The following HMGCS2 variants were observed in gnomAD, a reference collection of about 807,000 sequenced individuals.
The protein encoded by HMGCS2 is hydroxymethylglutaryl-CoA synthase, mitochondrial.
In HMGCS2, 50 loss-of-function variants were observed where a neutral mutation model predicts 57.4. The observed-to-expected ratio is 0.87, with a 90% CI of 0.69 to 1.10. The LOEUF (loss-of-function observed/expected upper bound fraction) is 1.10. HMGCS2 is among the 50% of genes least tolerant of loss of function. HMGCS2 has a pLI of 0.00. For synonymous variants in HMGCS2, 254 were observed against 245.1 expected (o/e 1.04, Z -0.34); for missense variants, 627 against 636.5 (o/e 0.99, Z 0.16).
rs1299933733 is a variant in HMGCS2 at position 119,748,397 on chromosome 1, T to G, written c.*450A>C. On this transcript the variant is annotated 3_prime_UTR_variant, in exon 10 of 10. Coordinates refer to ENST00000369406, the MANE Select transcript of HMGCS2 (RefSeq NM_005518.4). Reference sequence around the variant, plus strand: ...GGAATCATTTCCTCTTTCTCTCTTTTTAATTGCTATATATTAGCTTAGAAC... The same window carrying G: ...GGAATCATTTCCTCTTTCTCTCTTTGTAATTGCTATATATTAGCTTAGAAC... 6.6e-6 allele frequency: 1 copy of G among 152,232 alleles called. No homozygotes were observed. Among genetic ancestry groups the G allele is most frequent in the Admixed American group, 6.5e-5 (1 of 15,284 alleles). 9.4% of individuals were successfully genotyped at this position (152,232 alleles called of 1,614,324 possible).
In HMGCS2 at chr1:119,766,570, T is replaced by G. The variant is rs756758557; in HGVS notation, c.105-1944A>C. The stretch of plus-strand genomic sequence containing the variant: ...CTGACAGGAGAGGTTTGGAGTTTAT[T>G]TATCTTCCCTATTTATTTGACTCCC... On this transcript the variant is annotated intron_variant, in intron 1 of 9. Coordinates refer to ENST00000369406, the MANE Select transcript of HMGCS2 (RefSeq NM_005518.4). Among the ~76,000 whole-genome samples, 3 of 152,318 alleles carry G rather than the reference T, an allele frequency of 2.0e-5. No individual in the cohort carries two copies. The East Asian group carries it at 5.8e-4, about 29-fold the overall frequency.
At chr1:119,752,512 G>T in intron 8 of HMGCS2, 37 bp downstream of exon 8, 1 of 1,609,282 alleles carries the variant, frequency 6.2e-7, no homozygotes, top group African/African-American at 1.3e-5. Flanking sequence ...CTACTGGAAT[G>T]GGGTCTCTCT....
At chr1:119,755,633 A>G in intron 5 of HMGCS2, 36 bp from the exon 6 acceptor site, 2 of 1,605,772 alleles carry the variant, frequency 1.2e-6, no homozygotes, top group Non-Finnish European at 8.5e-7. Flanking sequence ...GTGAGAGGCC[A>G]GGGGACGGGA....
intron 3 of HMGCS2, 69 bp downstream of exon 3, chr1:119,759,795 A>T: frequency 6.3e-7 from 1 of 1,585,584 alleles, no homozygotes; most frequent in East Asian, 2.2e-5. Flanking sequence ...CAGGTGTGCC[A>T]ATGTGGGATT....
At chr1:119,760,078 C>T (rs1047378755) in intron 2 of HMGCS2, 89 bp from the exon 3 acceptor site, 12 of 1,215,906 alleles carry the variant, frequency 9.9e-6, no homozygotes, top group African/African-American at 1.5e-5. Context: ...ATTCTAGGTC[C>T]TGGATATAGA....
chr1:119,767,435 A>T (rs587737774), intron 1 of HMGCS2, among the ~76,000 whole-genome samples: 1 of 152,298 alleles, frequency 6.6e-6, no homozygotes, highest in East Asian at 1.9e-4. Flanking sequence ...AACCCTGGAG[A>T]TGCAGGTGTA....
intron 8 of HMGCS2, among the ~76,000 whole-genome samples, chr1:119,751,150 TACA>T (rs993094761): frequency 2.0e-5 from 3 of 152,050 alleles, no homozygotes; most frequent in African/African-American, 7.2e-5. Context: ...ATTATAAGAG[TACA>T]ACATTTTCCT....
chr1:119,752,574 GT>G lies in HMGCS2; in HGVS notation c.1394del (p.Asn465ThrfsTer10), dbSNP rs779321975. 7.4e-6 allele frequency: 12 copies of G among 1,613,834 alleles called. No individual in the cohort carries two copies. In the South Asian group the frequency reaches 1.3e-4, roughly 18 times the overall value. On this transcript the variant is annotated frameshift_variant, in exon 8 of 10. Coordinates refer to ENST00000369406, the MANE Select transcript of HMGCS2 (RefSeq NM_005518.4). LOFTEE classifies it high-confidence loss of function. Reference protein sequence around the residue: ...VSPEEFTEIMNQREQFYHKVN... With the variant: ...VSPEEFTEIMXQREQFYHKVN... ...CCTTATGGTAGAATTGCTCTCTTTG[GT>G]TCATTATTTCTGTGAACTCCTCAGG...
chr1:119,756,904 G>A (rs1652858441), intron 5 of HMGCS2, among the ~76,000 whole-genome samples: 1 of 152,130 alleles, frequency 6.6e-6, no homozygotes, highest in Non-Finnish European at 1.5e-5. Flanking sequence ...TATCCTGAGA[G>A]GTTAATACGA....
intron 8 of HMGCS2, among the ~76,000 whole-genome samples, chr1:119,752,074 A>G (rs968901908): frequency 3.9e-5 from 6 of 152,174 alleles, no homozygotes; most frequent in African/African-American, 1.4e-4. Context: ...TCGATAACAT[A>G]TTTATATAGA....
chr1:119,768,198 A>G (rs967120216), intron 1 of HMGCS2, among the ~76,000 whole-genome samples: 2 of 152,212 alleles, frequency 1.3e-5, no homozygotes, highest in African/African-American at 4.8e-5. Context: ...TTCAGGGACT[A>G]TTTACAAAGA....
rs186373304 is a variant in HMGCS2, at chr1:119,754,320, G to A, written c.1188-934C>T. Among the ~76,000 whole-genome samples, 248 of 152,212 alleles carry A rather than the reference G, an allele frequency of 1.6e-3. 5 individuals are homozygous for A. The highest frequency in any genetic ancestry group is 1.9e-4 in the East Asian group (1 of 5,180). On this transcript the variant is annotated intron_variant, in intron 6 of 9. Coordinates refer to ENST00000369406, the MANE Select transcript of HMGCS2 (RefSeq NM_005518.4). ...GATCTTCCCACCTTGGCCTCCCAAAGTGTTGGTATTACAGGCATGAGCCAC... is the reference window on the plus strand; with the variant it reads ...GATCTTCCCACCTTGGCCTCCCAAAATGTTGGTATTACAGGCATGAGCCAC...
intron 2 of HMGCS2, among the ~76,000 whole-genome samples, chr1:119,762,552 C>G (rs1455499214): frequency 6.6e-6 from 1 of 152,122 alleles, no homozygotes; most frequent in African/African-American, 2.4e-5. Context: ...TGATTCAGAA[C>G]TCCCTGAGTC....
chr1:119,764,510 T>C lies in HMGCS2; in HGVS notation c.221A>G (p.Glu74Gly). The change falls in exon 2 of 10, where the codon GAG (glutamate) becomes GGG (glycine). Residue 74 changes from glutamate to glycine, a missense_variant. Transcript: ENST00000369406. ...TCCTGCTTCCACATTGTTATACTTC[T>C]CCAGGTCAGTTTGGTCCACATATTG... ...PAQYVDQTDL[E>G]KYNNVEAGKY... The C allele has an allele frequency of 6.2e-7, 1 of 1,613,736 alleles. No homozygotes were observed. The highest frequency in any genetic ancestry group is 8.5e-7 in the Non-Finnish European group (1 of 1,179,656).
intron 1 of HMGCS2, among the ~76,000 whole-genome samples, chr1:119,768,042 G>T (rs115885799): frequency 2.6e-5 from 4 of 152,298 alleles, no homozygotes; most frequent in Non-Finnish European, 5.9e-5. Flanking sequence ...GAGTAAAAAT[G>T]TAAGGAAATA....
At chr1:119,752,163 A>G (rs587608758) in intron 8 of HMGCS2, among the ~76,000 whole-genome samples, 1 of 152,252 alleles carries the variant, frequency 6.6e-6, no homozygotes, top group African/African-American at 2.4e-5. Context: ...AAGTTCAACC[A>G]TTTTTCCAAA....
chr1:119,749,219 T>C (rs113928636), intron 9 of HMGCS2, among the ~76,000 whole-genome samples: 3,209 of 152,152 alleles, frequency 0.021, 106 homozygotes, highest in African/African-American at 0.072. Flanking sequence ...TGAGAAAAGG[T>C]CAAGAGTTCC....
chr1:119,759,739 G>A, intron 3 of HMGCS2, 125 bp downstream of exon 3: 1 of 1,192,234 alleles, frequency 8.4e-7, no homozygotes, highest in Admixed American at 1.8e-5. Flanking sequence ...GCCCTTTTTA[G>A]AGGCAAGCAA....
intron 6 of HMGCS2, among the ~76,000 whole-genome samples, chr1:119,754,845 A>T (rs962714678): frequency 2.0e-5 from 3 of 152,186 alleles, no homozygotes; most frequent in African/African-American, 7.2e-5. Flanking sequence ...TACCAAAGCT[A>T]CTGTTTTCTT....
Sources: allele counts gnomAD v4.1 joint callset (sites outside exome capture counted in the v4.1 genomes callset), GRCh38; gene constraint gnomAD v4.1.1; transcripts MANE v1.5; gene names NCBI Gene and HGNC (gene_info 2026-07-23, HGNC 2026-07-21).